Variants in CRACD observed in about 807,000 individuals in gnomAD.
The protein encoded by CRACD is capping protein inhibiting regulator of actin dynamics.
In CRACD, 56 loss-of-function variants were observed where a neutral mutation model predicts 106.8. The observed-to-expected ratio is 0.52, with a 90% CI of 0.42 to 0.66. The LOEUF (loss-of-function observed/expected upper bound fraction) is 0.66. CRACD is among the 30% of genes least tolerant of loss of function. The pLI is 0.00. For synonymous variants in CRACD, 754 were observed against 670.8 expected (o/e 1.12, Z -1.92); for missense variants, 1,730 against 1,623.2 (o/e 1.07, Z -1.13).
chr4:56,321,345 C>T (rs531811721), intron 8 of CRACD: 65 of 153,970 alleles, frequency 4.2e-4, no homozygotes, highest in Non-Finnish European at 8.4e-4. Context: ...CTTCCCTCCT[C>T]CTCCTACCCA....
Position 56,329,201 on chromosome 4 carries a change from T to C in CRACD, c.*1397T>C, listed in dbSNP as rs1407716943. 6.6e-6 allele frequency among the ~76,000 whole-genome samples: 1 copy of C among 152,224 alleles called. No homozygotes were observed. The highest frequency in any genetic ancestry group is 1.5e-5 in the Non-Finnish European group (1 of 68,042). On this transcript the variant is annotated 3_prime_UTR_variant, in exon 11 of 11. Coordinates refer to ENST00000682029, the MANE Select transcript of CRACD (RefSeq NM_001393381.1). ...AAACAGACATACTGGCAAACTCACA[T>C]ATTGCTGGTGCTAACCTTATATTTC...
intron 2 of CRACD, among the ~76,000 whole-genome samples, chr4:56,208,214 C>T (rs1343763857): frequency 6.6e-6 from 1 of 152,074 alleles, no homozygotes; most frequent in Non-Finnish European, 1.5e-5. Flanking sequence ...ACCTTAAGGT[C>T]TCCAATGGAC....
intron 2 of CRACD, among the ~76,000 whole-genome samples, chr4:56,254,030 C>A (rs1186233853): frequency 1.3e-5 from 2 of 152,190 alleles, no homozygotes. Flanking sequence ...TCTGTTCCAC[C>A]AGTATCTGGT....
At chr4:56,200,996 G>GA (rs1370837164) in intron 2 of CRACD, among the ~76,000 whole-genome samples, 1 of 152,130 alleles carries the variant, frequency 6.6e-6, no homozygotes, top group Non-Finnish European at 1.5e-5. Context: ...AAGAGAAGGA[G>GA]AAAAAATACT....
In CRACD at chr4:56,313,334, G is replaced by A. The variant is rs780944891; in HGVS notation, c.492G>A (p.Lys164=). 9.3e-6 allele frequency: 15 copies of A among 1,614,092 alleles called. No individual in the cohort carries two copies. Among genetic ancestry groups the A allele is most frequent in the Admixed American group, 1.7e-5 (1 of 60,006 alleles). ...NSAAKHKLAV[K]PKKQRVSKKH... ...CCGCCAAGCACAAGCTGGCTGTTAA[G>A]CCAAAAAAACAGAGGGTGTCAAAGA... Residue 164 remains lysine (K), a synonymous_variant, in exon 7 of 11, where the codon AAG becomes AAA. Transcript: ENST00000682029.
intron 2 of CRACD, among the ~76,000 whole-genome samples, chr4:56,223,549 G>A (rs981296542): frequency 2.0e-4 from 31 of 152,274 alleles, no homozygotes; most frequent in Middle Eastern, 6.8e-3. Flanking sequence ...TGGTGTGAGT[G>A]TGGTTCCAAC....
At chr4:56,227,085 C>T (rs1739340844) in intron 2 of CRACD, among the ~76,000 whole-genome samples, 1 of 152,116 alleles carries the variant, frequency 6.6e-6, no homozygotes, top group Non-Finnish European at 1.5e-5. Context: ...ATAAATTACT[C>T]AACCTTGGAT....
intron 1 of CRACD, among the ~76,000 whole-genome samples, chr4:56,113,023 C>T (rs1553902819): frequency 1.3e-5 from 2 of 152,080 alleles, no homozygotes; most frequent in African/African-American, 2.4e-5. Flanking sequence ...TAGGCCTAAC[C>T]GTCTATCTGT....
At chr4:56,193,632 A>T (rs781007171) in intron 2 of CRACD, among the ~76,000 whole-genome samples, 16 of 152,332 alleles carry the variant, frequency 1.1e-4, no homozygotes, top group Non-Finnish European at 1.9e-4. Flanking sequence ...AGATGTTGAT[A>T]TTAAGTTATG....
chr4:56,315,694 G>GAAATT lies in CRACD; in HGVS notation c.2192_2193insAAATT (p.Gly732AsnfsTer99). The GAAATT allele has an allele frequency of 6.2e-7, 1 of 1,614,204 alleles. No homozygotes were observed. Among genetic ancestry groups the GAAATT allele is most frequent in the South Asian group, 1.1e-5 (1 of 91,086 alleles). On this transcript the variant is annotated frameshift_variant, in exon 8 of 11. Transcript: ENST00000682029. LOFTEE classifies it high-confidence loss of function. This position sits in a 1 kb window ranked among gnomAD's most constrained non-coding sequence, Gnocchi z 4.1. ...CCTGCCTGGCAGAAATTTTCCGATG[G>GAAATT]TGGCACGGAGACCTCCAAACAGAGC...
At chr4:56,218,443 ATCCCCTCCCTTTCCT>A (rs1315034853) in intron 2 of CRACD, among the ~76,000 whole-genome samples, 31 of 34,072 alleles carry the variant, frequency 9.1e-4, no homozygotes, top group South Asian at 7.1e-3. Context: ...CTCCCTTTCC[ATCCCCTCCCTTTCCT>A]TCCCCTGCCT....
chr4:56,154,342 T>C (rs1735693856), intron 1 of CRACD, among the ~76,000 whole-genome samples: 1 of 152,090 alleles, frequency 6.6e-6, no homozygotes, highest in Admixed American at 6.6e-5. Flanking sequence ...GATATGCACC[T>C]GTAGTCCCAG....
chr4:56,132,437 C>A (rs1343195756), intron 1 of CRACD, among the ~76,000 whole-genome samples: 1 of 152,162 alleles, frequency 6.6e-6, no homozygotes, highest in Non-Finnish European at 1.5e-5. Context: ...ACCTTCCAGA[C>A]TCTAGCAGTT....
intron 1 of CRACD, among the ~76,000 whole-genome samples, chr4:56,159,749 TA>T (rs1412752135): frequency 6.6e-6 from 1 of 152,198 alleles, no homozygotes; most frequent in Non-Finnish European, 1.5e-5. Context: ...CTCCTTGAGT[TA>T]AAAAATATTA....
intron 1 of CRACD, among the ~76,000 whole-genome samples, chr4:56,123,979 C>G (rs2109857312): frequency 6.6e-6 from 1 of 151,980 alleles, no homozygotes; most frequent in African/African-American, 2.4e-5. Flanking sequence ...GCTCAGTTGC[C>G]CAGGCTGGAG....
Position 56,277,201 on chromosome 4 carries a change from GACCA to G in CRACD, c.-17+4711_-17+4714del, listed in dbSNP as rs553978688. 1.4e-3 allele frequency among the ~76,000 whole-genome samples: 210 copies of G among 152,200 alleles called. 1 individual carries two copies. The highest frequency in any genetic ancestry group is 4.6e-3 in the African/African-American group (191 of 41,544). ...GATATCACAAGAAAAAAACTCCACA[GACCA>G]ATATCCTTTATGACAATAGACACAA... On this transcript the variant is annotated intron_variant, in intron 3 of 10. Coordinates refer to ENST00000682029, the MANE Select transcript of CRACD (RefSeq NM_001393381.1).
intron 2 of CRACD, among the ~76,000 whole-genome samples, chr4:56,241,545 AC>A (rs1454859477): frequency 2.6e-5 from 4 of 152,166 alleles, no homozygotes; most frequent in African/African-American, 4.8e-5. Context: ...TGAATACATA[AC>A]TAGAGACTGC....
intron 1 of CRACD, among the ~76,000 whole-genome samples, chr4:56,091,351 G>A (rs1313403222): frequency 6.9e-6 from 1 of 145,528 alleles, no homozygotes. Flanking sequence ...CATTGTGACT[G>A]GCCAGAGTAG....
Position 56,314,388 on chromosome 4 carries a change from G to A in CRACD, c.886G>A (p.Glu296Lys). ...APREEQQRSL[E>K]APGWEDAERR... ...GCGGGAAGAGCAGCAGCGGAGCCTG[G>A]AAGCGCCAGGTTGGGAGGACGCGGA... Residue 296 changes from glutamate to lysine, a missense_variant, in exon 8 of 11, where the codon GAA becomes AAA. By Grantham distance (56) the Glu-to-Lys change is moderately conservative (BLOSUM62 1). Transcript: ENST00000682029. This position sits in a 1 kb window ranked among gnomAD's most constrained non-coding sequence, Gnocchi z 4.4. 6.5e-7 allele frequency: 1 copy of A among 1,543,738 alleles called. No homozygotes were observed. Among genetic ancestry groups the A allele is most frequent in the Non-Finnish European group, 8.7e-7 (1 of 1,144,248 alleles).
Sources: allele counts gnomAD v4.1 joint callset (sites outside exome capture counted in the v4.1 genomes callset), GRCh38; gene constraint gnomAD v4.1.1; non-coding constraint Gnocchi (gnomAD v3.1); transcripts MANE v1.5; gene names NCBI Gene and HGNC (gene_info 2026-07-23, HGNC 2026-07-21).